Variants in TMEM18 observed in about 807,000 individuals in gnomAD.
TMEM18 encodes the protein transmembrane protein 18.
A neutral mutation model predicts 17.4 loss-of-function variants in TMEM18; 14 were observed. The ratio of observed to expected loss-of-function variants is 0.80; its 90% confidence interval spans 0.53 to 1.25. TMEM18 has a LOEUF of 1.25. TMEM18 is among the 50% of genes most tolerant of loss of function. TMEM18 has a pLI of 0.00. For synonymous variants in TMEM18, 86 were observed against 66.1 expected, an observed-to-expected ratio of 1.30 and a Z score of -1.46; for missense variants, 187 against 172.1, an observed-to-expected ratio of 1.09 and a Z score of -0.48.
In TMEM18 at chr2:666,353, G is replaced by C. The variant is rs556636853; in HGVS notation, c.*3227C>G. On this transcript the variant is annotated 3_prime_UTR_variant, in exon 5 of 5. Transcript: ENST00000281017. ...GCCTGTGCCAGTCAGCGCCTCCCCT[G>C]GCATAGGTCTTGTGCAATTTCTAAT... 4.9e-4 allele frequency among the ~76,000 whole-genome samples: 74 copies of C among 152,280 alleles called. No individual in the cohort carries two copies. The highest frequency in any genetic ancestry group is 1.7e-3 in the African/African-American group (72 of 41,558).
chr2:665,394 C>T lies in TMEM18; in HGVS notation c.*4186G>A, dbSNP rs936896517. Among the ~76,000 whole-genome samples, 1 of 151,000 alleles carries T rather than the reference C, an allele frequency of 6.6e-6. No individual in the cohort carries two copies. Among genetic ancestry groups the T allele is most frequent in the South Asian group, 2.1e-4 (1 of 4,772 alleles). ...AACTAGAACCCAGAGATGCAGATGC[C>T]CCATTCACTCAGATAATCAACCCCA... On this transcript the variant is annotated 3_prime_UTR_variant, in exon 5 of 5. Transcript: ENST00000281017.
In TMEM18 at chr2:669,382, G is replaced by GC. The variant is rs1678776883; in HGVS notation, c.*197dup. On this transcript the variant is annotated 3_prime_UTR_variant, in exon 5 of 5. Transcript: ENST00000281017. ...CTACAAAGATCAGGCACCTGAAGAC[G>GC]CATGTCCTGATGGATACATTCAGTG... is the stretch of plus-strand genomic sequence containing the variant. 1 of 619,224 alleles carries GC rather than the reference G, an allele frequency of 1.6e-6. No homozygotes were observed. Among genetic ancestry groups the GC allele is most frequent in the Non-Finnish European group, 2.9e-6 (1 of 347,322 alleles). The allele number at this position is 619,224 out of a possible 1,614,324, so 38.4% of individuals were successfully genotyped here.
intron 2 of TMEM18, among the ~76,000 whole-genome samples, chr2:673,655 TC>T (rs1678916985): frequency 6.6e-6 from 1 of 151,294 alleles, no homozygotes; most frequent in East Asian, 1.9e-4. Context: ...GAGCAGTCCC[TC>T]CACTTCCTCC....
Position 666,033 on chromosome 2 carries a change from GCTCA to G in TMEM18, c.*3543_*3546del, listed in dbSNP as rs1385351187. On this transcript the variant is annotated 3_prime_UTR_variant, in exon 5 of 5. Transcript: ENST00000281017. ...CAGAACCCCGAGATGCAGATGCTCA[GCTCA>G]CTGAGATGGAGCATCAACCCTACAC... is the stretch of plus-strand genomic sequence containing the variant. 3.3e-5 allele frequency among the ~76,000 whole-genome samples: 5 copies of G among 149,924 alleles called. No individual in the cohort carries two copies. Among genetic ancestry groups the G allele is most frequent in the African/African-American group, 4.9e-5 (2 of 40,630 alleles).
rs866335379 is a variant in TMEM18 at position 676,820 on chromosome 2, G to T, written c.57+469C>A. The T allele has an allele frequency of 4.2e-5, 27 of 646,170 alleles. No individual in the cohort carries two copies. The Middle Eastern group carries it at 1.7e-3, about 40-fold the overall frequency. The allele number at this position is 646,170 out of a possible 1,614,324, so 40.0% of individuals were successfully genotyped here. A position where few individuals can be genotyped will look rare whatever the true frequency, so the allele number is the denominator to read the frequency against. ...CGCCCACATGGCCCAAGCCCCGCCC[G>T]CAAGACGCTGGACTGGCCGGCGTGC... On this transcript the variant is annotated intron_variant, in intron 1 of 4. Transcript: ENST00000281017.
rs184493224 is a variant in TMEM18, at chr2:665,330, G to A, written c.*4250C>T. On this transcript the variant is annotated 3_prime_UTR_variant, in exon 5 of 5. Coordinates refer to ENST00000281017, the MANE Select transcript of TMEM18 (RefSeq NM_152834.4). The stretch of plus-strand genomic sequence containing the variant: ...ACATAAAATAGAACCCAGAGATGCA[G>A]ATGCACCACTCACTCAGATAGAGAA... 6.6e-6 allele frequency among the ~76,000 whole-genome samples: 1 copy of A among 151,728 alleles called. No homozygotes were observed. Among genetic ancestry groups the A allele is most frequent in the East Asian group, 1.9e-4 (1 of 5,156 alleles).
chr2:665,938 C>A lies in TMEM18; in HGVS notation c.*3642G>T, dbSNP rs529420069. Among the ~76,000 whole-genome samples the A allele has an allele frequency of 5.9e-5, 9 of 152,280 alleles. No individual in the cohort carries two copies. The highest frequency in any genetic ancestry group is 5.8e-4 in the East Asian group (3 of 5,192). ...CCAGCTCACTCAGATGGAGTGTTAA[C>A]CCCACGCACACAAAACCCAGAGATG... is the stretch of plus-strand genomic sequence containing the variant. On this transcript the variant is annotated 3_prime_UTR_variant, in exon 5 of 5. Transcript: ENST00000281017.
At chr2:676,591 G>A in intron 1 of TMEM18, 1 of 1,550,496 alleles carries the variant, frequency 6.4e-7, no homozygotes, top group Non-Finnish European at 8.7e-7. Flanking sequence ...CCAGAGGCAC[G>A]GAGGTGAGGG....
rs551847226 is a variant in TMEM18 at position 666,573 on chromosome 2, C to A, written c.*3007G>T. Among the ~76,000 whole-genome samples, 1 of 152,306 alleles carries A rather than the reference C, an allele frequency of 6.6e-6. No homozygotes were observed. Among genetic ancestry groups the A allele is most frequent in the South Asian group, 2.1e-4 (1 of 4,826 alleles). On this transcript the variant is annotated 3_prime_UTR_variant, in exon 5 of 5. Transcript: ENST00000281017. ...TGCCACCAACGCATGGCACCCACAG[C>A]CTGCGTGGGCCTCGCCGCCCCATCC...
At chr2:674,487 A>T (rs1678942225) in intron 2 of TMEM18, among the ~76,000 whole-genome samples, 1 of 152,162 alleles carries the variant, frequency 6.6e-6, no homozygotes, top group African/African-American at 2.4e-5. Context: ...TTGATAACAC[A>T]GGTCTGTGAT....
intron 2 of TMEM18, among the ~76,000 whole-genome samples, chr2:674,875 C>T (rs1467152275): frequency 6.6e-6 from 1 of 152,222 alleles, no homozygotes; most frequent in African/African-American, 2.4e-5. Flanking sequence ...GTGCTTAGGT[C>T]CTGGAGGGCT....
rs1203867089 is a variant in TMEM18 at position 669,838 on chromosome 2, T to A, written c.246A>T (p.Lys82Asn). Reference protein sequence around the residue: ...AAAMNWRLFSKYQYFDSRGMF... With the variant: ...AAAMNWRLFSNYQYFDSRGMF... ...TCCCCCTGGAGTCGAAATACTGGTA[T>A]TTCGAAAATAATCTGTTTAAAAAAC... The change falls in exon 4 of 5, where the codon AAA (lysine) becomes AAT (asparagine). Residue 82 changes from lysine (K) to asparagine (N), a missense_variant. Transcript: ENST00000281017. The A allele has an allele frequency of 6.2e-6, 10 of 1,611,486 alleles. No individual in the cohort carries two copies. The highest frequency in any genetic ancestry group is 8.5e-6 in the Non-Finnish European group (10 of 1,179,504).
chr2:666,307 T>C lies in TMEM18; in HGVS notation c.*3273A>G, dbSNP rs1213711319. Among the ~76,000 whole-genome samples the C allele has an allele frequency of 6.6e-6, 1 of 152,230 alleles. No homozygotes were observed. Among genetic ancestry groups the C allele is most frequent in the Non-Finnish European group, 1.5e-5 (1 of 68,044 alleles). ...TGAAGGCTGCAGGGAGCTCCTTCTCTGTCCTCAGGTTCCTTTCAGGGCCTG... is the reference window on the plus strand; with the variant it reads ...TGAAGGCTGCAGGGAGCTCCTTCTCCGTCCTCAGGTTCCTTTCAGGGCCTG... On this transcript the variant is annotated 3_prime_UTR_variant, in exon 5 of 5. Transcript: ENST00000281017.
chr2:675,998 T>C (rs920500409), intron 1 of TMEM18: 2 of 1,305,178 alleles, frequency 1.5e-6, no homozygotes, highest in Middle Eastern at 2.1e-4. Flanking sequence ...TAATTGGTTA[T>C]GATAATTGGT....
chr2:675,829 TG>T, intron 1 of TMEM18, 199 bp from the exon 2 acceptor site: 2 of 1,527,630 alleles, frequency 1.3e-6, no homozygotes, highest in South Asian at 2.4e-5. Flanking sequence ...ACCAGGAGGA[TG>T]GAAACAGGAT....
At chr2:677,065 C>A in intron 1 of TMEM18, 1 of 440,864 alleles carries the variant, frequency 2.3e-6, no homozygotes, top group East Asian at 4.2e-5. Context: ...CCGGCCCCGG[C>A]CCCCTCCCAC....
At chr2:675,982 C>A (rs1341961598) in intron 1 of TMEM18, 13 of 1,312,624 alleles carry the variant, frequency 9.9e-6, no homozygotes, top group African/African-American at 1.5e-5. Flanking sequence ...CCATCCTTTA[C>A]GATGATAATT....
In TMEM18 at chr2:666,081, G is replaced by A. The variant is rs1007831063; in HGVS notation, c.*3499C>T. Among the ~76,000 whole-genome samples, 3 of 152,198 alleles carry A rather than the reference G, an allele frequency of 2.0e-5. No homozygotes were observed. The highest frequency in any genetic ancestry group is 4.4e-5 in the Non-Finnish European group (3 of 68,030). ...CCTACACACAACAGGACCCATGGAG[G>A]CAGATGCCCAGCTCACTCAGATGAA... On this transcript the variant is annotated 3_prime_UTR_variant, in exon 5 of 5. Transcript: ENST00000281017.
intron 3 of TMEM18, chr2:670,229 A>C: frequency 5.5e-6 from 1 of 182,674 alleles, no homozygotes; most frequent in Non-Finnish European, 1.1e-5. Flanking sequence ...AACGTCAATA[A>C]TCCCCTCCCC....
Sources: gnomAD v4.1 joint callset for allele counts (sites outside exome capture counted in the v4.1 genomes callset) on GRCh38, gnomAD v4.1.1 for gene constraint, MANE v1.5 for transcripts, NCBI Gene and HGNC (gene_info 2026-07-23, HGNC 2026-07-21) for gene names.